Variants in PCP2 observed in about 807,000 individuals in gnomAD.
The protein encoded by PCP2 is Purkinje cell protein 2 homolog.
In PCP2, 21 loss-of-function variants were observed where a neutral mutation model predicts 18.3. That is an observed-to-expected ratio of 1.14 (90% CI 0.81 to 1.65). The LOEUF (loss-of-function observed/expected upper bound fraction) is 1.65, where lower values mean the gene tolerates loss of function less well. Among genes scored for constraint, PCP2 ranks in the 40% most tolerant of loss-of-function variants. The pLI is 0.00. For missense variants in PCP2, 202 were observed against 201.8 expected (o/e 1.00, Z 0.00); for synonymous variants, 85 against 77.6 (o/e 1.10, Z -0.50).
At chr19:7,634,577 C>T (rs1260096473), upstream of PCP2, among the ~76,000 whole-genome samples, 3 of 152,182 alleles carry the variant, frequency 2.0e-5, no homozygotes, top group African/African-American at 7.2e-5. Context: ...ACTATTTTGC[C>T]CAGGCTAGTC....
upstream of PCP2, among the ~76,000 whole-genome samples, chr19:7,635,807 G>A (rs2031507114): frequency 6.6e-6 from 1 of 152,168 alleles, no homozygotes; most frequent in Admixed American, 6.5e-5. Context: ...GTTGCCAACC[G>A]TCCTGGTTTG....
At position 7,632,074 on chromosome 19, in the gene PCP2, T is replaced by G. The variant is rs907695272; in HGVS notation, c.292-266A>C. On this transcript the variant is annotated intron_variant, in intron 3 of 3. Coordinates refer to ENST00000311069, the MANE Select transcript of PCP2 (RefSeq NM_174895.3). This position sits in a 1 kb window ranked among gnomAD's most constrained non-coding sequence, Gnocchi z 5.2. ...TGTGAGTATACAGATGTATATATCC[T>G]ATGTGTGAGCTTACGTGACTTCCTC... 3.6e-6 allele frequency: 2 copies of G among 552,388 alleles called. No individual in the cohort carries two copies. The highest frequency in any genetic ancestry group is 6.4e-6 in the Non-Finnish European group (2 of 314,048). The allele number at this position is 552,388 out of a possible 1,614,324, so 34.2% of individuals were successfully genotyped here.
In PCP2 at chr19:7,633,431, C is replaced by T. The variant is rs370069941; in HGVS notation, c.27G>A (p.Glu9=). Residue 9 remains glutamate, a synonymous_variant, in exon 1 of 4, where the codon GAG becomes GAA. Transcript: ENST00000311069. ...CCTCGGCACAGGGGCCTGAGCCTTCCTCCGTCTTCTCCTCCTGATCCATCA... is the reference window on the plus strand; with the variant it reads ...CCTCGGCACAGGGGCCTGAGCCTTCTTCCGTCTTCTCCTCCTGATCCATCA... MMDQEEKT[E]EGSGPCAEAG... The T allele has an allele frequency of 2.2e-5, 35 of 1,577,254 alleles. No individual in the cohort carries two copies. In the African/African-American group the frequency reaches 4.4e-4, roughly 20 times the overall value.
rs1420945170 is a variant in PCP2, at chr19:7,632,271, A to G, written c.291+122T>C. The G allele has an allele frequency of 2.1e-6, 3 of 1,446,416 alleles. No individual in the cohort carries two copies. Among genetic ancestry groups the G allele is most frequent in the Non-Finnish European group, 2.8e-6 (3 of 1,064,518 alleles). 89.6% of individuals were successfully genotyped at this position (1,446,416 alleles called of 1,614,324 possible). ...CCTGGGCCTTGGTCCTCCCATCTGA[A>G]GTCAGGGCAGCGGATGGACAGAGAT... On this transcript the variant is annotated intron_variant, in intron 3 of 3. Coordinates refer to ENST00000311069, the MANE Select transcript of PCP2 (RefSeq NM_174895.3). This position sits in a 1 kb window ranked among gnomAD's most constrained non-coding sequence, Gnocchi z 5.2.
chr19:7,635,029 T>G (rs2031472213), upstream of PCP2, among the ~76,000 whole-genome samples: 1 of 152,274 alleles, frequency 6.6e-6, no homozygotes, highest in East Asian at 1.9e-4. Context: ...TCATGCTCAC[T>G]GCTAATATCT....
Position 7,632,861 on chromosome 19 carries a change from C to T in PCP2, c.52-31G>A, listed in dbSNP as rs563746051. 1.3e-6 allele frequency: 2 copies of T among 1,539,722 alleles called. No individual in the cohort carries two copies. Among genetic ancestry groups the T allele is most frequent in the East Asian group, 2.4e-5 (1 of 40,892 alleles). ...GACAGACTCGCTCAGTCTGGTTGGCCCTTCAGCTTGGGGGCCCCTCCCCAA... is the reference window on the plus strand; with the variant it reads ...GACAGACTCGCTCAGTCTGGTTGGCTCTTCAGCTTGGGGGCCCCTCCCCAA... On this transcript the variant is annotated intron_variant, in intron 1 of 3. Transcript: ENST00000311069. The surrounding 1 kb of genome is among the most constrained non-coding windows in gnomAD (Gnocchi z 5.2).
At chr19:7,633,166 C>T (rs2031402642) in intron 1 of PCP2, among the ~76,000 whole-genome samples, 2 of 152,170 alleles carry the variant, frequency 1.3e-5, no homozygotes, top group Non-Finnish European at 2.9e-5. Flanking sequence ...AAACATGGCC[C>T]AGGAGCTACC....
rs1161692940 is a variant in PCP2, at chr19:7,633,662, G to T, written c.-205C>A. Reference sequence around the variant, plus strand: ...CCACAACGATGCTGGATCTGGCATGGTGGGTAGGGGGCAGGGCGACCTGAG... The same window carrying T: ...CCACAACGATGCTGGATCTGGCATGTTGGGTAGGGGGCAGGGCGACCTGAG... On this transcript the variant is annotated 5_prime_UTR_variant, in exon 1 of 4. Transcript: ENST00000311069. 4 of 608,290 alleles carry T rather than the reference G, an allele frequency of 6.6e-6. No individual in the cohort carries two copies. Among genetic ancestry groups the T allele is most frequent in the Admixed American group, 3.0e-5 (1 of 33,646 alleles). 37.7% of individuals were successfully genotyped at this position (608,290 alleles called of 1,614,324 possible).
chr19:7,634,589 CA>C (rs1472163972), upstream of PCP2, among the ~76,000 whole-genome samples: 1 of 152,248 alleles, frequency 6.6e-6, no homozygotes, highest in East Asian at 1.9e-4. Context: ...AGGCTAGTCT[CA>C]AACTCCTGGG....
In PCP2 at chr19:7,632,449, C is replaced by A; in HGVS notation, c.235G>T (p.Asp79Tyr). ...MLASTQGRRMDDQRVTVSSLP... is the reference protein window; with the variant it reads ...MLASTQGRRMYDQRVTVSSLP... ...CTGCTGACTGTCACACGTTGGTCAT[C>A]CATGCGGCGGCCCTGGGTACTGGCC... Residue 79 changes from aspartate (D) to tyrosine (Y), a missense_variant, in exon 3 of 4, where the codon GAT (aspartate) becomes TAT (tyrosine). Coordinates refer to ENST00000311069, the MANE Select transcript of PCP2 (RefSeq NM_174895.3). This position sits in a 1 kb window ranked among gnomAD's most constrained non-coding sequence, Gnocchi z 5.2. 1 of 1,613,924 alleles carries A rather than the reference C, an allele frequency of 6.2e-7. No homozygotes were observed. Among genetic ancestry groups the A allele is most frequent in the South Asian group, 1.1e-5 (1 of 91,072 alleles).
intron 1 of PCP2, 77 bp downstream of exon 1, chr19:7,633,330 G>A (rs1396906304): frequency 2.2e-6 from 3 of 1,342,604 alleles, no homozygotes; most frequent in African/African-American, 1.5e-5. Context: ...TTAATTAGGT[G>A]CCCTACAAAC....
rs541124889 is a variant in PCP2, at chr19:7,631,695, G to C, written c.405C>G (p.Ala135=). ...RNSSPQPPTQ[A]P Reference sequence around the variant, plus strand: ...CCCAGGATGCCTCAGGCCCTCAGGGGGCTTGTGTCGGGGGCTGGGGGCTGC... The same window carrying C: ...CCCAGGATGCCTCAGGCCCTCAGGGCGCTTGTGTCGGGGGCTGGGGGCTGC... The change falls in exon 4 of 4, where the codon GCC becomes GCG. Residue 135 remains alanine, a synonymous_variant. Transcript: ENST00000311069. 16 of 1,455,198 alleles carry C rather than the reference G, an allele frequency of 1.1e-5. No individual in the cohort carries two copies. Among genetic ancestry groups the C allele is most frequent in the African/African-American group, 1.4e-5 (1 of 69,076 alleles). 90.1% of individuals were successfully genotyped at this position (1,455,198 alleles called of 1,614,324 possible). A position where few individuals can be genotyped will look rare whatever the true frequency, so the allele number is the denominator to read the frequency against.
upstream of PCP2, among the ~76,000 whole-genome samples, chr19:7,635,173 G>A (rs146175876): frequency 0.011 from 1,651 of 152,288 alleles, 30 homozygotes; most frequent in African/African-American, 0.037. Flanking sequence ...CTGAGAAGCT[G>A]GAGGCGGTCC....
At chr19:7,634,958 A>G (rs1240298171), upstream of PCP2, among the ~76,000 whole-genome samples, 1 of 152,154 alleles carries the variant, frequency 6.6e-6, no homozygotes, top group Non-Finnish European at 1.5e-5. Flanking sequence ...GCAGACATAT[A>G]ACTATCTTAC....
rs1204951425 is a variant in PCP2, at chr19:7,633,668, A to AG, written c.-212dup. The AG allele has an allele frequency of 5.0e-5, 29 of 577,088 alleles. No homozygotes were observed. Among genetic ancestry groups the AG allele is most frequent in the Non-Finnish European group, 8.9e-5 (29 of 327,032 alleles). The allele number at this position is 577,088 out of a possible 1,614,324, so 35.7% of individuals were successfully genotyped here. ...CGATGCTGGATCTGGCATGGTGGGTAGGGGGCAGGGCGACCTGAGCTTGGA... is the reference window on the plus strand; with the variant it reads ...CGATGCTGGATCTGGCATGGTGGGTAGGGGGGCAGGGCGACCTGAGCTTGGA... On this transcript the variant is annotated 5_prime_UTR_variant, in exon 1 of 4. Transcript: ENST00000311069.
rs1020618976 is a variant in PCP2, at chr19:7,633,701, G to C, written c.-244C>G. 2 of 559,024 alleles carry C rather than the reference G, an allele frequency of 3.6e-6. No homozygotes were observed. Among genetic ancestry groups the C allele is most frequent in the African/African-American group, 3.8e-5 (2 of 52,362 alleles). The allele number at this position is 559,024 out of a possible 1,614,324, so 34.6% of individuals were successfully genotyped here. A position where few individuals can be genotyped will look rare whatever the true frequency, so the allele number is the denominator to read the frequency against. ...GGGCGACCTGAGCTTGGACCTCGCT[G>C]TGCCCAGCAGCAATGACTGGACCCC... On this transcript the variant is annotated 5_prime_UTR_variant, in exon 1 of 4. Transcript: ENST00000311069.
rs1226758081 is a variant in PCP2, at chr19:7,633,549, T to C, written c.-92A>G. On this transcript the variant is annotated 5_prime_UTR_variant, in exon 1 of 4. Transcript: ENST00000311069. ...AACGTCCAGGACGTGGGGGTGTGGA[T>C]TCCCCCCATCCCCAAATCCCCAGCT... is the stretch of plus-strand genomic sequence containing the variant. 4.0e-6 allele frequency: 5 copies of C among 1,252,104 alleles called. No individual in the cohort carries two copies. The highest frequency in any genetic ancestry group is 1.1e-6 in the Non-Finnish European group (1 of 881,508). The allele number at this position is 1,252,104 out of a possible 1,614,324, so 77.6% of individuals were successfully genotyped here.
chr19:7,633,295 C>A, intron 1 of PCP2, 112 bp downstream of exon 1: 2 of 1,116,470 alleles, frequency 1.8e-6, no homozygotes, highest in Non-Finnish European at 2.6e-6. Context: ...ACAACTGGGT[C>A]AGGGGGTCCT....
At chr19:7,635,045 A>C (rs1313333054), upstream of PCP2, among the ~76,000 whole-genome samples, 1 of 152,236 alleles carries the variant, frequency 6.6e-6, no homozygotes, top group African/African-American at 2.4e-5. Flanking sequence ...TATCTATACT[A>C]ACCCCATTTC....
Sources: gnomAD v4.1 joint callset for allele counts (sites outside exome capture counted in the v4.1 genomes callset) on GRCh38, gnomAD v4.1.1 for gene constraint, Gnocchi (gnomAD v3.1) non-coding constraint, MANE v1.5 for transcripts, NCBI Gene and HGNC (gene_info 2026-07-23, HGNC 2026-07-21) for gene names.